Variants in OGG1 observed in about 807,000 individuals in gnomAD.
OGG1 encodes N-glycosylase/DNA lyase.
Under a neutral mutation model 42.3 loss-of-function variants are expected in OGG1, and 35 were observed. The ratio of observed to expected loss-of-function variants is 0.83; its 90% CI spans 0.63 to 1.10. OGG1 has a LOEUF of 1.10. Ranked by LOEUF, OGG1 falls within the 50% of genes least tolerant of loss-of-function variation. The pLI, the probability that OGG1 is intolerant of heterozygous loss-of-function variation, is 0.00. For synonymous variants in OGG1, 189 were observed against 179.0 expected (o/e 1.06, Z -0.44); for missense variants, 484 against 446.7 (o/e 1.08, Z -0.75).
At chr3:9,763,719 C>G (rs932233262) in intron 7 of OGG1, among the ~76,000 whole-genome samples, 2 of 152,198 alleles carry the variant, frequency 1.3e-5, no homozygotes, top group African/African-American at 4.8e-5. Context: ...GGCACAGAGA[C>G]TCACACCTGT....
chr3:9,757,400 A>G lies in OGG1; in HGVS notation c.*250A>G. 6.2e-7 allele frequency: 1 copy of G among 1,611,124 alleles called. No individual in the cohort carries two copies. Among genetic ancestry groups the G allele is most frequent in the Non-Finnish European group, 8.5e-7 (1 of 1,178,470 alleles). ...GGAACAATAAAATAGAAACATTTGT[A>G]TGGAAAATGCAGTGAGGAGTGGTAG... On this transcript the variant is annotated 3_prime_UTR_variant, in exon 7 of 7. Coordinates refer to ENST00000344629, the MANE Select transcript of OGG1 (RefSeq NM_002542.6). The surrounding 1 kb of genome is among the most constrained non-coding windows in gnomAD (Gnocchi z 4.5).
chr3:9,752,233 G>A (rs1435799025), intron 3 of OGG1: 1 of 494,684 alleles, frequency 2.0e-6, no homozygotes, highest in African/African-American at 1.9e-5. Flanking sequence ...TGCATTCTGG[G>A]GACAGACCCA....
chr3:9,779,159 T>C (rs189595316), intron 2 of OGG1, among the ~76,000 whole-genome samples: 32 of 152,294 alleles, frequency 2.1e-4, no homozygotes, highest in Non-Finnish European at 4.1e-4. Flanking sequence ...CCCTGTTTCC[T>C]ACTCAGATCT....
At chr3:9,766,604 T>C in exon 8 of OGG1, 1 of 1,039,480 alleles carries the variant, frequency 9.6e-7, no homozygotes, top group South Asian at 2.4e-5. Context: ...GAAGCAGTGT[T>C]TTAGAACAGG....
chr3:9,770,963 T>C (rs369166615), downstream of OGG1, among the ~76,000 whole-genome samples: 7 of 152,196 alleles, frequency 4.6e-5, no homozygotes, highest in Admixed American at 1.3e-4. Context: ...ACAGTGCTTA[T>C]GCCCAGCTCA....
intron 2 of OGG1, among the ~76,000 whole-genome samples, chr3:9,774,374 A>G (rs571187453): frequency 3.5e-5 from 5 of 143,660 alleles, no homozygotes; most frequent in African/African-American, 1.3e-4. Context: ...GCACCATTGC[A>G]CTCCAGCCAG....
intron 2 of OGG1, among the ~76,000 whole-genome samples, chr3:9,777,613 G>A (rs1236258294): frequency 6.6e-6 from 1 of 152,168 alleles, no homozygotes; most frequent in Non-Finnish European, 1.5e-5. Context: ...ACAGAGAACA[G>A]CTAGAGTGCT....
chr3:9,759,082 A>G (rs377660006), downstream of OGG1: 25 of 938,442 alleles, frequency 2.7e-5, no homozygotes, highest in East Asian at 2.9e-4. Context: ...CCTGCCTCTC[A>G]GTCCCCTCAG....
At chr3:9,786,168 T>C (rs951357044) in intron 3 of OGG1, among the ~76,000 whole-genome samples, 3 of 152,140 alleles carry the variant, frequency 2.0e-5, no homozygotes, top group Non-Finnish European at 4.4e-5. Context: ...CTCGATCTCC[T>C]GACCTTGTGA....
intron 3 of OGG1, chr3:9,786,919 AATGT>A: frequency 7.8e-7 from 1 of 1,276,360 alleles, no homozygotes. Flanking sequence ...CAACCTAATA[AATGT>A]ATGATAAATT....
intron 2 of OGG1, chr3:9,779,861 G>C (rs946214082): frequency 6.6e-6 from 1 of 152,310 alleles, no homozygotes; most frequent in African/African-American, 2.4e-5. Flanking sequence ...GAATGCCATG[G>C]GTTAGTGGCC....
chr3:9,788,980 C>T (rs545227909), downstream of OGG1, among the ~76,000 whole-genome samples: 22 of 152,024 alleles, frequency 1.4e-4, no homozygotes, highest in East Asian at 2.7e-3. Flanking sequence ...GGACTACAGG[C>T]GCACACCGCC....
Position 9,750,530 on chromosome 3 carries a change from G to A in OGG1, c.137+107G>A. ...ATTTGGGGGATGATGGAAGAAACCC[G>A]GGGTACAAAAGAGGAAACAAGCACG... On this transcript the variant is annotated intron_variant, in intron 1 of 6. Coordinates refer to ENST00000344629, the MANE Select transcript of OGG1 (RefSeq NM_002542.6). 4 of 1,517,276 alleles carry A rather than the reference G, an allele frequency of 2.6e-6. No homozygotes were observed. In the South Asian group the frequency reaches 3.5e-5, roughly 13 times the overall value. The allele number at this position is 1,517,276 out of a possible 1,614,324, so 94.0% of individuals were successfully genotyped here. A position where few individuals can be genotyped will look rare whatever the true frequency, so the allele number is the denominator to read the frequency against.
chr3:9,789,625 A>C, downstream of OGG1: 1 of 1,613,474 alleles, frequency 6.2e-7, no homozygotes, highest in Non-Finnish European at 8.5e-7. Flanking sequence ...CTGCAGGGAG[A>C]AGCAGATCCT....
downstream of OGG1, chr3:9,759,385 C>T: frequency 6.4e-7 from 1 of 1,565,918 alleles, no homozygotes; most frequent in Non-Finnish European, 8.8e-7. Context: ...TAAGCAGTTA[C>T]TGTGTGCCCA....
downstream of OGG1, chr3:9,789,438 T>C (rs2078687905): frequency 2.1e-6 from 3 of 1,407,220 alleles, no homozygotes; most frequent in Admixed American, 1.9e-5. Flanking sequence ...ATGGCTTTGG[T>C]AGCTTTACTT....
downstream of OGG1, chr3:9,760,847 G>C: frequency 5.0e-6 from 8 of 1,590,666 alleles, no homozygotes; most frequent in Non-Finnish European, 6.8e-6. Context: ...GCAGTCTCAG[G>C]GGTCAGGCAG....
Position 9,750,325 on chromosome 3 carries a change from T to C in OGG1, c.39T>C (p.His13=). The C allele has an allele frequency of 6.2e-7, 1 of 1,613,860 alleles. No homozygotes were observed. The highest frequency in any genetic ancestry group is 8.5e-7 in the Non-Finnish European group (1 of 1,179,982). Residue 13 remains histidine, a synonymous_variant, in exon 1 of 7, where the codon CAT becomes CAC. Transcript: ENST00000344629. ...CGCTTCTGCCCAGGCGCATGGGGCA[T>C]CGTACTCTAGCCTCCACTCCTGCCC... is the stretch of plus-strand genomic sequence containing the variant. ...ARALLPRRMG[H]RTLASTPALW...
intron 2 of OGG1, among the ~76,000 whole-genome samples, chr3:9,776,485 G>C (rs2078367174): frequency 6.6e-6 from 1 of 150,460 alleles, no homozygotes; most frequent in Admixed American, 6.7e-5. Flanking sequence ...CGCCTCCCGG[G>C]TTCACGCCAT....
Sources: gnomAD v4.1 joint callset for allele counts (sites outside exome capture counted in the v4.1 genomes callset) on GRCh38, gnomAD v4.1.1 for gene constraint, Gnocchi (gnomAD v3.1) non-coding constraint, MANE v1.5 for transcripts, NCBI Gene and HGNC (gene_info 2026-07-23, HGNC 2026-07-21) for gene names.